CRPPA: variants seen among roughly 807,000 people sequenced by gnomAD.
CRPPA encodes the protein CDP-L-ribitol pyrophosphorylase A.
Under a neutral mutation model 52.0 loss-of-function variants are expected in CRPPA, and 43 were observed. The observed-to-expected ratio is 0.83, with a 90% CI of 0.65 to 1.07. The LOEUF (loss-of-function observed/expected upper bound fraction) is 1.07. CRPPA is among the 50% of genes least tolerant of loss of function. The pLI is 0.00. For synonymous variants in CRPPA, 250 were observed against 203.5 expected (o/e 1.23, Z -1.94); for missense variants, 629 against 551.7 (o/e 1.14, Z -1.40).
intron 9 of CRPPA, among the ~76,000 whole-genome samples, chr7:16,118,886 C>T (rs1230010285): frequency 6.6e-6 from 1 of 152,128 alleles, no homozygotes; most frequent in Non-Finnish European, 1.5e-5. Flanking sequence ...GGATACGAAG[C>T]CTGGGCAGTA....
Position 16,406,263 on chromosome 7 carries a change from T to C in CRPPA, c.332A>G (p.Lys111Arg), listed in dbSNP as rs373082181. 1.4e-5 allele frequency: 22 copies of C among 1,613,822 alleles called. No homozygotes were observed. The highest frequency in any genetic ancestry group is 1.9e-5 in the Non-Finnish European group (22 of 1,179,846). Residue 111 changes from lysine to arginine, a missense_variant, in exon 2 of 10, where the codon AAG (lysine) becomes AGG (arginine). Transcript: ENST00000407010. ...NMEVMKSIIQ[K>R]YQHKRISLVE... is the part of the protein sequence containing the mutation. ...CAGTGAGATGCGTTTATGCTGATACTTCTGAATAATACTTTTCATTACTTC... is the reference window on the plus strand; with the variant it reads ...CAGTGAGATGCGTTTATGCTGATACCTCTGAATAATACTTTTCATTACTTC...
Position 16,216,101 on chromosome 7 carries a change from T to C in CRPPA, c.1216A>G (p.Ile406Val), listed in dbSNP as rs1782298915. 2.5e-6 allele frequency: 4 copies of C among 1,601,948 alleles called. No homozygotes were observed. In the East Asian group the frequency reaches 9.0e-5, roughly 36 times the overall value. ...GATATGAGAAGCCCATATAACAAAA[T>C]ATTTCTTTCTTTTACTTCCTTTGCA... ...EFAKEVKERNILLYGLLISYP... is the reference protein window; with the variant it reads ...EFAKEVKERNVLLYGLLISYP... The change falls in exon 9 of 10, where the codon ATT becomes GTT. Residue 406 changes from isoleucine to valine, a missense_variant. Transcript: ENST00000407010.
At chr7:16,203,517 T>G (rs1781904434) in intron 9 of CRPPA, among the ~76,000 whole-genome samples, 1 of 152,154 alleles carries the variant, frequency 6.6e-6, no homozygotes, top group South Asian at 2.1e-4. Flanking sequence ...TTACAAAACA[T>G]AAAATATAAA....
intron 3 of CRPPA, among the ~76,000 whole-genome samples, chr7:16,369,309 G>C (rs1786688063): frequency 6.6e-6 from 1 of 152,224 alleles, no homozygotes; most frequent in Admixed American, 6.5e-5. Flanking sequence ...CTGGTGGTCA[G>C]AGAGAAACAG....
intron 9 of CRPPA, among the ~76,000 whole-genome samples, chr7:16,203,448 GTT>G (rs1781903416): frequency 6.6e-6 from 1 of 152,110 alleles, no homozygotes; most frequent in African/African-American, 2.4e-5. Context: ...CTTAATCAGA[GTT>G]AGAACTATGG....
At chr7:16,286,019 T>A (rs1583492364) in intron 5 of CRPPA, among the ~76,000 whole-genome samples, 1 of 15,060 alleles carries the variant, frequency 6.6e-5, no homozygotes, top group African/African-American at 3.5e-4. Context: ...AAACTCCATC[T>A]CAAAAAAAAA....
chr7:16,194,234 C>T (rs1427120683), intron 9 of CRPPA, among the ~76,000 whole-genome samples: 3 of 152,068 alleles, frequency 2.0e-5, no homozygotes, highest in Non-Finnish European at 4.4e-5. Context: ...GATTTTAATT[C>T]ATTAGACATA....
chr7:16,114,532 A>G (rs1283910074), intron 9 of CRPPA, among the ~76,000 whole-genome samples: 2 of 152,090 alleles, frequency 1.3e-5, no homozygotes, highest in South Asian at 2.1e-4. Flanking sequence ...ATCACCACCA[A>G]AAACAGTAAT....
At chr7:16,107,229 A>G (rs879436774) in intron 9 of CRPPA, among the ~76,000 whole-genome samples, 7 of 152,198 alleles carry the variant, frequency 4.6e-5, no homozygotes, top group Non-Finnish European at 1.0e-4. Context: ...TGGCTGAGAA[A>G]TGACTTTCTG....
At chr7:16,303,186 C>G (rs1300694611) in intron 4 of CRPPA, among the ~76,000 whole-genome samples, 2 of 152,084 alleles carry the variant, frequency 1.3e-5, no homozygotes. Flanking sequence ...GCTTGAACAA[C>G]TTTTTATCTG....
chr7:16,335,940 G>T (rs576472409), intron 3 of CRPPA, among the ~76,000 whole-genome samples: 13 of 152,260 alleles, frequency 8.5e-5, no homozygotes, highest in African/African-American at 2.6e-4. Context: ...AACCCCTCAG[G>T]CCAGGATAGA....
Position 16,376,185 on chromosome 7 carries a change from A to G in CRPPA, c.591T>C (p.Gly197=). ...VSTVVSPSAD[G]CLDYSLERAR... ...CACGTTCTAGCGAGTAGTCTAAGCA[A>G]CCATCAGCAGATGGACTGACGACAG... The change falls in exon 3 of 10, where the codon GGT becomes GGC. Residue 197 remains glycine, a synonymous_variant. Transcript: ENST00000407010. 22 of 1,613,414 alleles carry G rather than the reference A, an allele frequency of 1.4e-5. No individual in the cohort carries two copies. The highest frequency in any genetic ancestry group is 1.9e-5 in the Non-Finnish European group (22 of 1,179,592).
intron 3 of CRPPA, among the ~76,000 whole-genome samples, chr7:16,320,997 C>A (rs1785253686): frequency 6.6e-6 from 1 of 152,030 alleles, no homozygotes; most frequent in Non-Finnish European, 1.5e-5. Flanking sequence ...TTTAAATGGG[C>A]AGAGACAATT....
chr7:16,344,099 C>G (rs1378559886), intron 3 of CRPPA, among the ~76,000 whole-genome samples: 1 of 152,026 alleles, frequency 6.6e-6, no homozygotes, highest in African/African-American at 2.4e-5. Flanking sequence ...AACACTAAAT[C>G]CTAGGGAGAG....
At chr7:16,143,304 A>G (rs1444094876) in intron 9 of CRPPA, among the ~76,000 whole-genome samples, 5 of 152,210 alleles carry the variant, frequency 3.3e-5, no homozygotes, top group Non-Finnish European at 5.9e-5. Flanking sequence ...CATTCAGGAA[A>G]GGTTTATCAC....
chr7:16,131,018 C>A (rs911971367), intron 9 of CRPPA, among the ~76,000 whole-genome samples: 1 of 152,200 alleles, frequency 6.6e-6, no homozygotes, highest in African/African-American at 2.4e-5. Flanking sequence ...ACAGGGTCTG[C>A]CAGTACCTTC....
chr7:16,143,279 G>C (rs1312167709), intron 9 of CRPPA, among the ~76,000 whole-genome samples: 1 of 152,106 alleles, frequency 6.6e-6, no homozygotes, highest in East Asian at 1.9e-4. Context: ...AGATTTACAA[G>C]GTGAACATTT....
At chr7:16,343,932 G>T (rs905552366) in intron 3 of CRPPA, among the ~76,000 whole-genome samples, 1 of 152,068 alleles carries the variant, frequency 6.6e-6, no homozygotes, top group Non-Finnish European at 1.5e-5. Context: ...GCAAAATATG[G>T]GACAGTTATT....
chr7:16,167,249 A>T (rs1293380495), intron 9 of CRPPA, among the ~76,000 whole-genome samples: 1 of 151,916 alleles, frequency 6.6e-6, no homozygotes, highest in Non-Finnish European at 1.5e-5. Flanking sequence ...TTCATCACCA[A>T]CTTCTCCAAA....
Sources: allele counts gnomAD v4.1 joint callset (sites outside exome capture counted in the v4.1 genomes callset), GRCh38; gene constraint gnomAD v4.1.1; transcripts MANE v1.5; gene names NCBI Gene and HGNC (gene_info 2026-07-23, HGNC 2026-07-21).